The following CRYBB3 variants were observed in gnomAD, a reference collection of about 807,000 sequenced individuals.
CRYBB3 encodes crystallin beta B3, also known as beta-crystallin B3.
Under a neutral mutation model 28.3 loss-of-function variants are expected in CRYBB3, and 35 were observed. The ratio of observed to expected loss-of-function variants is 1.24; its 90% CI spans 0.95 to 1.64. The LOEUF (loss-of-function observed/expected upper bound fraction) is 1.64, where lower values mean the gene tolerates loss of function less well. Ranked by LOEUF, CRYBB3 falls within the 40% of genes most tolerant of loss-of-function variation. The pLI is 0.00. For missense variants in CRYBB3, 296 were observed against 297.4 expected, an observed-to-expected ratio of 1.00 and a Z score of 0.04; for synonymous variants, 106 against 110.4, an observed-to-expected ratio of 0.96 and a Z score of 0.25.
chr22:25,204,928 TC>T (rs1330066775), intron 4 of CRYBB3, among the ~76,000 whole-genome samples: 1 of 152,218 alleles, frequency 6.6e-6, no homozygotes, highest in Non-Finnish European at 1.5e-5. Flanking sequence ...TCTCCTGGCC[TC>T]AGTTTCTCTA....
intron 1 of CRYBB3, among the ~76,000 whole-genome samples, chr22:25,201,067 G>T (rs1934938412): frequency 6.6e-6 from 1 of 152,152 alleles, no homozygotes; most frequent in South Asian, 2.1e-4. Flanking sequence ...TGGATCAGGG[G>T]AAAAGGGCAC....
chr22:25,202,198 GCAAAACCTT>G (rs1442659134), intron 2 of CRYBB3, among the ~76,000 whole-genome samples: 4 of 152,160 alleles, frequency 2.6e-5, no homozygotes, highest in African/African-American at 9.7e-5. Context: ...GGTGAGAGAG[GCAAAACCTT>G]GGTCTGCCTT....
intron 2 of CRYBB3, among the ~76,000 whole-genome samples, chr22:25,201,893 G>A (rs1163752412): frequency 6.6e-6 from 1 of 152,186 alleles, no homozygotes; most frequent in Admixed American, 6.5e-5. Context: ...CAGAGTTGGT[G>A]TAAAGGCTGA....
intron 1 of CRYBB3, among the ~76,000 whole-genome samples, chr22:25,201,174 T>G (rs1389264595): frequency 6.6e-6 from 1 of 152,056 alleles, no homozygotes. Context: ...CTCTGTACAA[T>G]GGGGCTCCTG....
intron 2 of CRYBB3, among the ~76,000 whole-genome samples, 168 bp from the exon 3 acceptor site, chr22:25,202,506 G>A (rs927603337): frequency 2.0e-5 from 3 of 152,160 alleles, no homozygotes; most frequent in Non-Finnish European, 4.4e-5. Flanking sequence ...TCCTGAAGGC[G>A]TTTCCCTCCA....
Position 25,207,242 on chromosome 22 carries a change from C to A in CRYBB3, c.*30C>A, listed in dbSNP as rs1234951642. ...CACCCAGACTTCAAGGACCCAGACC[C>A]ACCCTGGGGGGCTGCAAGGGCAAGA... is the stretch of plus-strand genomic sequence containing the variant. On this transcript the variant is annotated 3_prime_UTR_variant, in exon 6 of 6. Coordinates refer to ENST00000215855, the MANE Select transcript of CRYBB3 (RefSeq NM_004076.5). 3.1e-6 allele frequency: 5 copies of A among 1,601,104 alleles called. No homozygotes were observed. Among genetic ancestry groups the A allele is most frequent in the Non-Finnish European group, 4.3e-6 (5 of 1,172,998 alleles).
chr22:25,201,544 C>T (rs1046900436), intron 2 of CRYBB3, 73 bp downstream of exon 2: 13 of 1,588,654 alleles, frequency 8.2e-6, no homozygotes, highest in South Asian at 4.4e-5. Flanking sequence ...AGCCAAGCAG[C>T]ACCTCTGCAG....
At chr22:25,207,022 C>T in intron 5 of CRYBB3, 25 bp from the exon 6 acceptor site, 7 of 1,593,534 alleles carry the variant, frequency 4.4e-6, no homozygotes, top group South Asian at 1.1e-5. Flanking sequence ...AGACCGTCCA[C>T]ATCTCAACCT....
At position 25,205,397 on chromosome 22, in the gene CRYBB3, C is replaced by G. The variant is rs371540793; in HGVS notation, c.470+35C>G. 3.7e-6 allele frequency: 6 copies of G among 1,612,606 alleles called. No individual in the cohort carries two copies. The African/African-American group carries it at 8.0e-5, about 22-fold the overall frequency. On this transcript the variant is annotated intron_variant, in intron 5 of 5. Transcript: ENST00000215855. ...CCAACCCTCACCCTTGCCCCATCTT[C>G]TGGTCAGCCATGCCTCTGGCTCCAA...
At chr22:25,203,006 G>A (rs374365341) in intron 3 of CRYBB3, among the ~76,000 whole-genome samples, 291 of 152,348 alleles carry the variant, frequency 1.9e-3, no homozygotes, top group African/African-American at 6.8e-3. Context: ...TGGAAGAACA[G>A]CAAGGTCAAC....
rs267606195 is a variant in CRYBB3, at chr22:25,207,167, C to A, written c.591C>A (p.Ile197=). ...CGCAGCTGCAGTCTGTGCGCCGCATCCGTGACCAGAAGTGGCACAAGCGGG... is the reference window on the plus strand; with the variant it reads ...CGCAGCTGCAGTCTGTGCGCCGCATACGTGACCAGAAGTGGCACAAGCGGG... ...SQPQLQSVRR[I]RDQKWHKRGR... The change falls in exon 6 of 6, where the codon ATC becomes ATA. Residue 197 remains isoleucine (I), a synonymous_variant. Coordinates refer to ENST00000215855, the MANE Select transcript of CRYBB3 (RefSeq NM_004076.5). 1 of 1,613,774 alleles carries A rather than the reference C, an allele frequency of 6.2e-7. No individual in the cohort carries two copies. Among genetic ancestry groups the A allele is most frequent in the Non-Finnish European group, 8.5e-7 (1 of 1,180,008 alleles).
At chr22:25,203,299 C>T (rs192975843) in intron 3 of CRYBB3, among the ~76,000 whole-genome samples, 281 of 152,272 alleles carry the variant, frequency 1.8e-3, no homozygotes, top group African/African-American at 6.5e-3. Flanking sequence ...TGATCTTCGG[C>T]AAGTTGCTTC....
intron 4 of CRYBB3, among the ~76,000 whole-genome samples, chr22:25,204,254 A>C (rs1225291297): frequency 6.6e-6 from 1 of 152,220 alleles, no homozygotes; most frequent in Non-Finnish European, 1.5e-5. Flanking sequence ...AAAATACTTT[A>C]AGTTCTCCAC....
intron 1 of CRYBB3, among the ~76,000 whole-genome samples, chr22:25,200,870 C>T (rs1934934270): frequency 6.6e-6 from 1 of 152,194 alleles, no homozygotes; most frequent in African/African-American, 2.4e-5. Flanking sequence ...CAGCCCAGAG[C>T]CTGGCACTGT....
chr22:25,205,348 T>C lies in CRYBB3; in HGVS notation c.456T>C (p.Arg152=), dbSNP rs565629287. Reference sequence around the variant, plus strand: ...TCCAGGACCGTGTGGCGAGTGTCCGTGCCATCAACGGGACGTAAGGGACCC... The same window carrying C: ...TCCAGGACCGTGTGGCGAGTGTCCGCGCCATCAACGGGACGTAAGGGACCC... The part of the protein sequence containing the change: ...HGFQDRVASV[R]AINGTWVGYE... The change falls in exon 5 of 6, where the codon CGT becomes CGC. Residue 152 remains arginine, a synonymous_variant. Coordinates refer to ENST00000215855, the MANE Select transcript of CRYBB3 (RefSeq NM_004076.5). 2 of 1,614,106 alleles carry C rather than the reference T, an allele frequency of 1.2e-6. No homozygotes were observed. Among genetic ancestry groups the C allele is most frequent in the African/African-American group, 2.7e-5 (2 of 75,046 alleles).
intron 4 of CRYBB3, among the ~76,000 whole-genome samples, chr22:25,204,144 T>C (rs1314937901): frequency 2.0e-5 from 3 of 152,232 alleles, no homozygotes; most frequent in Non-Finnish European, 2.9e-5. Context: ...CTGGGACTTT[T>C]CTTTGTAACC....
rs184568946 is a variant in CRYBB3 at position 25,206,604 on chromosome 22, T to C, written c.471-443T>C. Among the ~76,000 whole-genome samples, 81 of 152,170 alleles carry C rather than the reference T, an allele frequency of 5.3e-4. 1 individual carries two copies. The highest frequency in any genetic ancestry group is 2.0e-3 in the African/African-American group (81 of 41,494). ...GACAAAGTAACAGGTATTCACAACG[T>C]ATTGTGATCAGGATTGGGACTGGGA... On this transcript the variant is annotated intron_variant, in intron 5 of 5. Transcript: ENST00000215855.
At chr22:25,205,012 T>G (rs1341185251) in intron 4 of CRYBB3, among the ~76,000 whole-genome samples, 4 of 152,214 alleles carry the variant, frequency 2.6e-5, no homozygotes, top group African/African-American at 9.6e-5. Context: ...TCTAGGTTCC[T>G]AAATCAACCA....
rs1934990981 is a variant in CRYBB3 at position 25,203,985 on chromosome 22, A to G, written c.327+90A>G. ...GCAGCTCATTGCACAAGCTGGGCTG[A>G]GGGTTTGGCCCATATGGACCTGGCC... On this transcript the variant is annotated intron_variant, in intron 4 of 5. Transcript: ENST00000215855. 5.1e-6 allele frequency: 8 copies of G among 1,557,424 alleles called. No individual in the cohort carries two copies. The South Asian group carries it at 8.9e-5, about 17-fold the overall frequency.
Sources: allele counts gnomAD v4.1 joint callset (sites outside exome capture counted in the v4.1 genomes callset), GRCh38; gene constraint gnomAD v4.1.1; transcripts MANE v1.5; gene names NCBI Gene and HGNC (gene_info 2026-07-23, HGNC 2026-07-21).